PDE4D: variants seen among roughly 807,000 people sequenced by gnomAD.
PDE4D encodes 3',5'-cyclic-AMP phosphodiesterase 4D.
In PDE4D, 24 loss-of-function variants were observed where a neutral mutation model predicts 87.4. That is an observed-to-expected ratio of 0.27 (90% CI 0.20 to 0.39). The LOEUF is 0.39. Ranked by LOEUF, PDE4D falls within the 10% of genes least tolerant of loss-of-function variation. The pLI, the probability that PDE4D is intolerant of heterozygous loss-of-function variation, is 1.00. For missense variants in PDE4D, 714 were observed against 1,041.0 expected (o/e 0.69, Z 4.32); for synonymous variants, 384 against 383.2 (o/e 1.00, Z -0.02).
intron 1 of PDE4D, among the ~76,000 whole-genome samples, chr5:59,886,352 C>T (rs899708859): frequency 2.6e-5 from 4 of 151,892 alleles, no homozygotes; most frequent in African/African-American, 9.7e-5. Flanking sequence ...CCCGTCTCTA[C>T]TAAAAATACG....
intron 5 of PDE4D, among the ~76,000 whole-genome samples, chr5:59,051,335 G>C (rs555969655): frequency 6.6e-6 from 1 of 152,284 alleles, no homozygotes; most frequent in South Asian, 2.1e-4. Flanking sequence ...ACTCCAGCCT[G>C]GGCAACAGAG....
intron 1 of PDE4D, among the ~76,000 whole-genome samples, chr5:59,548,877 C>T (rs1281230391): frequency 6.6e-6 from 1 of 152,098 alleles, no homozygotes; most frequent in Non-Finnish European, 1.5e-5. Context: ...CCCACTAGAA[C>T]TTTTTTCTGC....
chr5:59,068,475 T>A (rs561141313), intron 5 of PDE4D, among the ~76,000 whole-genome samples: 1 of 152,166 alleles, frequency 6.6e-6, no homozygotes, highest in African/African-American at 2.4e-5. Context: ...GATTCAGTGA[T>A]GAGCAAAGCA....
At chr5:59,329,443 G>A (rs1776317225) in intron 1 of PDE4D, among the ~76,000 whole-genome samples, 1 of 152,164 alleles carries the variant, frequency 6.6e-6, no homozygotes, top group South Asian at 2.1e-4. Context: ...GGAAGAGTCT[G>A]TTCTCAGAAA....
rs577817383 is a variant in PDE4D, at chr5:60,024,021, T to A, written c.43-35304A>T. On this transcript the variant is annotated intron_variant, in intron 2 of 16. Coordinates refer to the PDE4D transcript ENST00000502484. ...AACTAAAAAATTTTACAAAATACAA[T>A]ATTTTTAATATTCACTATTTTAGCT... 3.1e-3 allele frequency among the ~76,000 whole-genome samples: 467 copies of A among 152,272 alleles called. 4 individuals carry two copies. Among genetic ancestry groups the A allele is most frequent in the African/African-American group, 0.011 (447 of 41,560 alleles).
At chr5:59,301,116 G>A (rs1770163729) in intron 1 of PDE4D, among the ~76,000 whole-genome samples, 1 of 152,060 alleles carries the variant, frequency 6.6e-6, no homozygotes, top group Non-Finnish European at 1.5e-5. Flanking sequence ...GGGATTTTAT[G>A]GAGGCTTCAT....
intron 1 of PDE4D, among the ~76,000 whole-genome samples, chr5:59,576,463 AAAGT>A (rs1396255302): frequency 3.3e-5 from 5 of 152,096 alleles, no homozygotes; most frequent in African/African-American, 1.2e-4. Context: ...TGAAAAATAT[AAAGT>A]TATTTAATTA....
chr5:59,889,217 G>A (rs1372253740), intron 1 of PDE4D, among the ~76,000 whole-genome samples: 6 of 137,466 alleles, frequency 4.4e-5, no homozygotes, highest in Middle Eastern at 4.4e-3. Context: ...GTGACAGAGC[G>A]AGACTCTGTC....
chr5:59,147,629 C>T, intron 5 of PDE4D, among the ~76,000 whole-genome samples: 1 of 152,188 alleles, frequency 6.6e-6, no homozygotes, highest in East Asian at 1.9e-4. Flanking sequence ...GAAATCTCTA[C>T]TCTTTCAACA....
chr5:60,245,626 AGTG>A (rs1747671870), intron 1 of PDE4D, among the ~76,000 whole-genome samples: 1 of 151,990 alleles, frequency 6.6e-6, no homozygotes, highest in Non-Finnish European at 1.5e-5. Flanking sequence ...TATTTACAAC[AGTG>A]TGGATGGAAC....
At chr5:60,020,617 C>G (rs1024380019) in intron 2 of PDE4D, among the ~76,000 whole-genome samples, 2 of 152,010 alleles carry the variant, frequency 1.3e-5, no homozygotes, top group Non-Finnish European at 2.9e-5. Context: ...TACAGAGGAG[C>G]CCTGAGGCAC....
At chr5:60,467,593 T>C (rs1747460368) in intron 1 of PDE4D, among the ~76,000 whole-genome samples, 1 of 152,180 alleles carries the variant, frequency 6.6e-6, no homozygotes, top group Admixed American at 6.6e-5. Context: ...CCCAATCCAT[T>C]TCTTCTGCCT....
intron 1 of PDE4D, among the ~76,000 whole-genome samples, chr5:59,492,641 A>G (rs1183867992): frequency 6.6e-6 from 1 of 152,168 alleles, no homozygotes; most frequent in Non-Finnish European, 1.5e-5. Context: ...TTTCCAGGGT[A>G]CATGTGCTGT....
chr5:59,088,313 A>C (rs75512301), intron 5 of PDE4D, among the ~76,000 whole-genome samples: 1,865 of 152,268 alleles, frequency 0.012, 37 homozygotes, highest in African/African-American at 0.043. Context: ...CTTCAAAGGA[A>C]TAACAGGTAC....
intron 1 of PDE4D, among the ~76,000 whole-genome samples, chr5:59,263,808 A>G (rs1381898554): frequency 6.6e-6 from 1 of 151,906 alleles, no homozygotes; most frequent in Non-Finnish European, 1.5e-5. Flanking sequence ...AATCAGGATC[A>G]CTATTATTTT....
chr5:60,225,677 T>C (rs549877384), intron 1 of PDE4D, among the ~76,000 whole-genome samples: 1 of 152,230 alleles, frequency 6.6e-6, no homozygotes, highest in African/African-American at 2.4e-5. Flanking sequence ...GGGAACTCTC[T>C]GGGGTTCCAC....
chr5:59,941,444 T>C (rs1340642386), intron 3 of PDE4D, among the ~76,000 whole-genome samples: 2 of 152,236 alleles, frequency 1.3e-5, no homozygotes, highest in African/African-American at 4.8e-5. Context: ...GGTTCTCTCC[T>C]GCAAACTAGT....
At chr5:60,191,200 C>G (rs957570614) in intron 1 of PDE4D, among the ~76,000 whole-genome samples, 1 of 152,068 alleles carries the variant, frequency 6.6e-6, no homozygotes, top group Admixed American at 6.5e-5. Flanking sequence ...AACTCATCTA[C>G]TAGCTAACAT....
rs913832052 is a variant in PDE4D, at chr5:58,970,025, A to G, written c.*4639T>C. On this transcript the variant is annotated 3_prime_UTR_variant, in exon 15 of 15. Transcript: ENST00000340635. Reference sequence around the variant, plus strand: ...CTAAGAGACATGCTGATTGAACTATAATTTAAAATGAATAATCTTTTATTT... The same window carrying G: ...CTAAGAGACATGCTGATTGAACTATGATTTAAAATGAATAATCTTTTATTT... 1 of 152,196 alleles carries G rather than the reference A, an allele frequency of 6.6e-6. No individual in the cohort carries two copies. The highest frequency in any genetic ancestry group is 1.5e-5 in the Non-Finnish European group (1 of 68,018). The allele number at this position is 152,196 out of a possible 1,614,324, so 9.4% of individuals were successfully genotyped here. A position where few individuals can be genotyped will look rare whatever the true frequency, so the allele number is the denominator to read the frequency against.
Sources: gnomAD v4.1 joint callset for allele counts (sites outside exome capture counted in the v4.1 genomes callset) on GRCh38, gnomAD v4.1.1 for gene constraint, MANE v1.5 for transcripts, NCBI Gene and HGNC (gene_info 2026-07-23, HGNC 2026-07-21) for gene names.